The following NUBPL variants were observed in gnomAD, a reference collection of about 807,000 sequenced individuals.
NUBPL encodes the protein NUBP iron-sulfur cluster assembly factor, mitochondrial.
NUBPL carries 31 observed loss-of-function variants against 45.7 expected under a neutral mutation model. The ratio of observed to expected loss-of-function variants is 0.68; its 90% CI spans 0.51 to 0.92. The LOEUF (loss-of-function observed/expected upper bound fraction) is 0.92, where lower values mean the gene tolerates loss of function less well. Among genes scored for constraint, NUBPL ranks in the 40% least tolerant of loss-of-function variants. The pLI is 0.00. For missense variants in NUBPL, 401 were observed against 398.7 expected, an observed-to-expected ratio of 1.01 and a Z score of -0.05; for synonymous variants, 144 against 140.9, an observed-to-expected ratio of 1.02 and a Z score of -0.15.
At chr14:31,573,171 G>A (rs1056224065) in intron 3 of NUBPL, among the ~76,000 whole-genome samples, 4 of 152,138 alleles carry the variant, frequency 2.6e-5, no homozygotes, top group African/African-American at 9.7e-5. Context: ...TGTTATGATG[G>A]CTGTGCTGTC....
chr14:31,649,882 G>A (rs899467574), intron 4 of NUBPL, among the ~76,000 whole-genome samples: 10 of 151,926 alleles, frequency 6.6e-5, no homozygotes, highest in African/African-American at 2.2e-4. Context: ...GTTTTGAGAC[G>A]GAGTTTCACT....
At chr14:31,659,267 C>T (rs2036213719) in intron 4 of NUBPL, among the ~76,000 whole-genome samples, 1 of 152,144 alleles carries the variant, frequency 6.6e-6, no homozygotes, top group Admixed American at 6.5e-5. Context: ...TTCTTTCTGT[C>T]ATCTTTAAAA....
At chr14:31,583,505 A>G (rs908638877) in intron 3 of NUBPL, among the ~76,000 whole-genome samples, 1 of 152,216 alleles carries the variant, frequency 6.6e-6, no homozygotes, top group African/African-American at 2.4e-5. Flanking sequence ...GTCCTCAGGA[A>G]AGCAGATAAC....
intron 6 of NUBPL, among the ~76,000 whole-genome samples, chr14:31,675,091 C>T (rs1474756189): frequency 3.3e-5 from 5 of 150,016 alleles, no homozygotes; most frequent in South Asian, 2.1e-4. Context: ...GAGCCGAGAT[C>T]GTGCCACTGC....
At chr14:31,643,409 CAT>C (rs2035760907) in intron 4 of NUBPL, among the ~76,000 whole-genome samples, 1 of 152,084 alleles carries the variant, frequency 6.6e-6, no homozygotes, top group Non-Finnish European at 1.5e-5. Context: ...GAAATGATCA[CAT>C]GATATTTCCT....
chr14:31,847,290 C>T (rs78783358), intron 9 of NUBPL, among the ~76,000 whole-genome samples: 2,027 of 152,236 alleles, frequency 0.013, 59 homozygotes, highest in African/African-American at 0.046. Context: ...TAAAAGTGTT[C>T]GTTCTTAGTG....
chr14:31,838,401 T>C (rs1160680311), intron 8 of NUBPL, among the ~76,000 whole-genome samples: 1 of 151,828 alleles, frequency 6.6e-6, no homozygotes, highest in African/African-American at 2.4e-5. Context: ...ATTTGTGGTA[T>C]AGTCATTATA....
chr14:31,652,941 C>A (rs775943351), intron 4 of NUBPL, among the ~76,000 whole-genome samples: 2 of 152,180 alleles, frequency 1.3e-5, no homozygotes, highest in Non-Finnish European at 2.9e-5. Context: ...AATTTTACAG[C>A]TGGGCCTCTG....
At chr14:31,735,000 G>A (rs2038134627) in intron 6 of NUBPL, among the ~76,000 whole-genome samples, 1 of 151,900 alleles carries the variant, frequency 6.6e-6, no homozygotes. Flanking sequence ...TGACATTTTG[G>A]ACCAGATAAT....
At chr14:31,599,988 C>T (rs1000403149) in intron 4 of NUBPL, among the ~76,000 whole-genome samples, 9 of 141,654 alleles carry the variant, frequency 6.4e-5, no homozygotes, top group Non-Finnish European at 1.2e-4. Flanking sequence ...GTGGTGTGAT[C>T]TCGGCTCACT....
At chr14:31,646,719 C>A (rs1048380064) in intron 4 of NUBPL, among the ~76,000 whole-genome samples, 2 of 151,788 alleles carry the variant, frequency 1.3e-5, no homozygotes, top group Admixed American at 6.6e-5. Flanking sequence ...ATTTGGTGTT[C>A]TCTGATCTTC....
intron 6 of NUBPL, among the ~76,000 whole-genome samples, chr14:31,706,663 G>T (rs1053977013): frequency 2.0e-5 from 3 of 152,204 alleles, no homozygotes; most frequent in Non-Finnish European, 4.4e-5. Context: ...GCAGCGAGGA[G>T]GTCTAGGCCT....
chr14:31,646,714 G>A (rs2035863757), intron 4 of NUBPL, among the ~76,000 whole-genome samples: 1 of 151,790 alleles, frequency 6.6e-6, no homozygotes, highest in African/African-American at 2.4e-5. Flanking sequence ...AATCTATTTG[G>A]TGTTCTCTGA....
chr14:31,633,303 C>G (rs1271882737), intron 4 of NUBPL, among the ~76,000 whole-genome samples: 1 of 152,082 alleles, frequency 6.6e-6, no homozygotes, highest in Non-Finnish European at 1.5e-5. Context: ...CCACACATAA[C>G]CACAGATTAT....
intron 7 of NUBPL, among the ~76,000 whole-genome samples, chr14:31,798,820 A>C (rs868574392): frequency 1.3e-5 from 2 of 150,818 alleles, no homozygotes; most frequent in Non-Finnish European, 3.0e-5. Flanking sequence ...AAAAAAAAGA[A>C]ATTATCTTAT....
intron 4 of NUBPL, among the ~76,000 whole-genome samples, chr14:31,636,137 A>G (rs2035490320): frequency 2.0e-5 from 3 of 151,982 alleles, no homozygotes; most frequent in African/African-American, 7.2e-5. Flanking sequence ...GTTGAATAGG[A>G]GTGGTGAGAG....
intron 8 of NUBPL, among the ~76,000 whole-genome samples, chr14:31,839,164 AC>A (rs2139005945): frequency 6.6e-6 from 1 of 152,270 alleles, no homozygotes; most frequent in Admixed American, 6.5e-5. Flanking sequence ...TCTTCTCATG[AC>A]CACCTTTTTT....
chr14:31,637,208 T>C (rs942858265), intron 4 of NUBPL, among the ~76,000 whole-genome samples: 2 of 152,250 alleles, frequency 1.3e-5, no homozygotes, highest in African/African-American at 4.8e-5. Flanking sequence ...TCTTTCCTGC[T>C]TTCTCTTGTG....
At chr14:31,801,022 A>C (rs1566569081) in intron 7 of NUBPL, 1 of 152,220 alleles carries the variant, frequency 6.6e-6, no homozygotes, top group Non-Finnish European at 1.5e-5. Flanking sequence ...TAGTGACAGT[A>C]CAAGTTGTTA....
Sources: gnomAD v4.1 joint callset for allele counts (sites outside exome capture counted in the v4.1 genomes callset) on GRCh38, gnomAD v4.1.1 for gene constraint, MANE v1.5 for transcripts, NCBI Gene and HGNC (gene_info 2026-07-23, HGNC 2026-07-21) for gene names.